Variants in ADORA2B observed in about 807,000 individuals in gnomAD.
ADORA2B encodes the protein adenosine A2b receptor.
Under a neutral mutation model 20.8 loss-of-function variants are expected in ADORA2B, and 18 were observed. The observed-to-expected ratio is 0.87, with a 90% confidence interval of 0.60 to 1.29. ADORA2B has a LOEUF of 1.29. Ranked by LOEUF, ADORA2B falls within the 50% of genes most tolerant of loss-of-function variation. ADORA2B has a pLI of 0.00. For missense variants in ADORA2B, 441 were observed against 422.7 expected (o/e 1.04, Z -0.38); for synonymous variants, 179 against 178.3 (o/e 1.00, Z -0.03).
the ADORA2B span, among the ~76,000 whole-genome samples, chr17:15,885,131 T>G: frequency 6.6e-6 from 1 of 152,224 alleles, no homozygotes; most frequent in African/African-American, 2.4e-5. Flanking sequence ...TGTGAGATGG[T>G]ATCTCATTTT....
At chr17:15,932,978 C>T in the ADORA2B span, among the ~76,000 whole-genome samples, 2 of 126,600 alleles carry the variant, frequency 1.6e-5, no homozygotes, top group Non-Finnish European at 3.2e-5. Context: ...TTTTTTGAGA[C>T]GGAGTCTTGC....
the ADORA2B span, among the ~76,000 whole-genome samples, chr17:15,933,008 T>G: frequency 6.8e-6 from 1 of 147,790 alleles, no homozygotes; most frequent in East Asian, 2.0e-4. Flanking sequence ...CAGGCTGGAG[T>G]GCAGTGGCAC....
intron 1 of ADORA2B, among the ~76,000 whole-genome samples, chr17:15,956,986 G>A (rs928458305): frequency 1.2e-4 from 19 of 152,188 alleles, no homozygotes; most frequent in African/African-American, 4.3e-4. Context: ...ATTTTAATCT[G>A]GAGTTTGATA....
chr17:15,862,334 G>A, the ADORA2B span, among the ~76,000 whole-genome samples: 1 of 149,324 alleles, frequency 6.7e-6, no homozygotes, highest in Non-Finnish European at 1.5e-5. Flanking sequence ...TCATGCCTCA[G>A]CCTCCTGAGT....
intron 1 of ADORA2B, among the ~76,000 whole-genome samples, chr17:15,953,341 T>A (rs1349853950): frequency 1.3e-5 from 2 of 152,124 alleles, no homozygotes; most frequent in African/African-American, 4.8e-5. Flanking sequence ...GAGTTAGAAA[T>A]CAACCAGTGG....
chr17:15,860,587 C>G, the ADORA2B span, among the ~76,000 whole-genome samples: 1 of 152,004 alleles, frequency 6.6e-6, no homozygotes, highest in African/African-American at 2.4e-5. Flanking sequence ...CTGATGACAT[C>G]GTCTTGAAAT....
chr17:15,912,429 G>T, the ADORA2B span, among the ~76,000 whole-genome samples: 1 of 151,874 alleles, frequency 6.6e-6, no homozygotes, highest in Admixed American at 6.6e-5. Flanking sequence ...GAGGCTGCCT[G>T]TCCTGAAGTG....
At chr17:15,911,436 G>A in the ADORA2B span, among the ~76,000 whole-genome samples, 1 of 152,190 alleles carries the variant, frequency 6.6e-6, no homozygotes, top group Non-Finnish European at 1.5e-5. Context: ...AGTGTTTACT[G>A]TGATTGGCTC....
At chr17:15,950,292 G>T (rs1452009746) in intron 1 of ADORA2B, among the ~76,000 whole-genome samples, 3 of 152,208 alleles carry the variant, frequency 2.0e-5, no homozygotes, top group Non-Finnish European at 2.9e-5. Flanking sequence ...GGAACCTCTG[G>T]CAGGAGCGTG....
chr17:15,886,243 G>GTATTTATTTATTTATTTATTTTT, the ADORA2B span, among the ~76,000 whole-genome samples: 2 of 132,872 alleles, frequency 1.5e-5, no homozygotes, highest in African/African-American at 6.3e-5. Flanking sequence ...GAATCTTGTA[G>GTATTTATTTATTTATTTATTTTT]TGGCTCGCCC....
At chr17:15,875,571 C>T in the ADORA2B span, among the ~76,000 whole-genome samples, 1 of 152,120 alleles carries the variant, frequency 6.6e-6, no homozygotes, top group African/African-American at 2.4e-5. Flanking sequence ...TTATTTTTGT[C>T]TGTTTACTTA....
At chr17:15,906,728 G>A in the ADORA2B span, among the ~76,000 whole-genome samples, 4 of 152,118 alleles carry the variant, frequency 2.6e-5, no homozygotes, top group African/African-American at 9.7e-5. Flanking sequence ...ATATAGGTCT[G>A]GTGGTTTTTT....
the ADORA2B span, among the ~76,000 whole-genome samples, chr17:15,937,002 A>G: frequency 6.6e-6 from 1 of 152,120 alleles, no homozygotes; most frequent in South Asian, 2.1e-4. Context: ...CATACATAAA[A>G]TCTTTGCCTA....
At chr17:15,941,866 A>G (rs923801171), upstream of ADORA2B, among the ~76,000 whole-genome samples, 1 of 152,108 alleles carries the variant, frequency 6.6e-6, no homozygotes, top group Non-Finnish European at 1.5e-5. Flanking sequence ...CCATGGACCC[A>G]GTGAGTCCAG....
the ADORA2B span, among the ~76,000 whole-genome samples, chr17:15,921,925 T>C: frequency 1.3e-5 from 2 of 152,198 alleles, no homozygotes; most frequent in East Asian, 1.9e-4. Flanking sequence ...TGTGACACTT[T>C]CTGTTATATT....
intron 1 of ADORA2B, chr17:15,974,420 C>T (rs962456463): frequency 9.3e-6 from 4 of 431,262 alleles, no homozygotes; most frequent in Non-Finnish European, 1.7e-5. Flanking sequence ...GGCTTCCCCA[C>T]CTCTTGTCAT....
At chr17:15,873,236 A>C in the ADORA2B span, among the ~76,000 whole-genome samples, 1 of 152,198 alleles carries the variant, frequency 6.6e-6, no homozygotes, top group East Asian at 1.9e-4. Flanking sequence ...CTTATACAAA[A>C]AATCAACTCA....
rs1969792664 is a variant in ADORA2B, at chr17:15,945,575, C to G, written c.327C>G (p.Val109=). The G allele has an allele frequency of 6.5e-7, 1 of 1,531,654 alleles. No individual in the cohort carries two copies. Among genetic ancestry groups the G allele is most frequent in the Non-Finnish European group, 8.7e-7 (1 of 1,142,924 alleles). 94.9% of individuals were successfully genotyped at this position (1,531,654 alleles called of 1,614,324 possible). A position where few individuals can be genotyped will look rare whatever the true frequency, so the allele number is the denominator to read the frequency against. The change falls in exon 1 of 2, where the codon GTC becomes GTG. Residue 109 remains valine, a synonymous_variant. Transcript: ENST00000304222. The part of the protein sequence containing the change: ...VAVDRYLAIC[V]PLRYKSLVTG... ...TCGACAGATACCTGGCCATCTGTGT[C>G]CCGCTCAGGTGAGGCGCTCGGCGTC...
the ADORA2B span, among the ~76,000 whole-genome samples, chr17:15,901,111 G>T: frequency 6.6e-6 from 1 of 152,030 alleles, no homozygotes; most frequent in Non-Finnish European, 1.5e-5. Flanking sequence ...TCACCACAAA[G>T]CGATTCCTGA....
Sources: gnomAD v4.1 joint callset for allele counts (sites outside exome capture counted in the v4.1 genomes callset) on GRCh38, gnomAD v4.1.1 for gene constraint, MANE v1.5 for transcripts, NCBI Gene and HGNC (gene_info 2026-07-23, HGNC 2026-07-21) for gene names.